Variants in EMC1 observed in about 807,000 individuals in gnomAD.
EMC1 encodes ER membrane protein complex subunit 1, also known as KIAA0090.
EMC1 carries 103 observed loss-of-function variants against 128.8 expected under a neutral mutation model. That is an observed-to-expected ratio of 0.80 (90% CI 0.68 to 0.94). The LOEUF is 0.94. Among genes scored for constraint, EMC1 ranks in the 40% least tolerant of loss-of-function variants. The pLI, the probability that EMC1 is intolerant of heterozygous loss-of-function variation, is 0.00. For missense variants in EMC1, 1,083 were observed against 1,250.6 expected, an observed-to-expected ratio of 0.87 and a Z score of 2.02; for synonymous variants, 442 against 490.4, an observed-to-expected ratio of 0.90 and a Z score of 1.30.
At chr1:19,243,821 C>T (rs1300524675) in intron 3 of EMC1, 114 bp from the exon 4 acceptor site, 3 of 1,418,166 alleles carry the variant, frequency 2.1e-6, no homozygotes, top group Non-Finnish European at 3.0e-6. Flanking sequence ...ACATGTTAAA[C>T]AGGTACCTGT....
chr1:19,251,284 C>T, intron 1 of EMC1, 131 bp downstream of exon 1: 3 of 833,172 alleles, frequency 3.6e-6, no homozygotes, highest in African/African-American at 1.7e-5. Context: ...CAAGGGGCCC[C>T]ACGTTTTCAT....
At chr1:19,225,833 A>G (rs2093468906) in intron 18 of EMC1, among the ~76,000 whole-genome samples, 1 of 151,552 alleles carries the variant, frequency 6.6e-6, no homozygotes, top group Non-Finnish European at 1.5e-5. Flanking sequence ...AAAAAAAAAA[A>G]GAGTCAATAG....
intron 17 of EMC1, chr1:19,229,220 G>C (rs1279612509): frequency 1.3e-5 from 2 of 152,118 alleles, no homozygotes; most frequent in African/African-American, 4.8e-5. Context: ...CATTTTGCTT[G>C]TTCACCTCTC....
chr1:19,249,333 T>C (rs550782878), intron 1 of EMC1, among the ~76,000 whole-genome samples: 52 of 152,316 alleles, frequency 3.4e-4, no homozygotes, highest in African/African-American at 1.1e-3. Context: ...AAGTGCCCTA[T>C]ACCAGTGTAC....
intron 12 of EMC1, among the ~76,000 whole-genome samples, chr1:19,236,283 C>CT: frequency 6.6e-6 from 1 of 151,956 alleles, no homozygotes; most frequent in East Asian, 1.9e-4. Context: ...TCGCTTGAAC[C>CT]AGGAGGCAGA....
chr1:19,238,584 A>G (rs2093583799), intron 10 of EMC1, among the ~76,000 whole-genome samples: 1 of 152,232 alleles, frequency 6.6e-6, no homozygotes, highest in Non-Finnish European at 1.5e-5. Context: ...CCAGAGGAGA[A>G]AGTGGCTAGA....
intron 7 of EMC1, 113 bp from the exon 8 acceptor site, chr1:19,240,098 G>GT: frequency 7.9e-7 from 1 of 1,262,448 alleles, no homozygotes; most frequent in Non-Finnish European, 1.1e-6. Context: ...GCCATGGCAG[G>GT]TGGCTCCAAA....
intron 5 of EMC1, among the ~76,000 whole-genome samples, chr1:19,241,833 T>C (rs1198207768): frequency 6.6e-6 from 1 of 152,222 alleles, no homozygotes; most frequent in Non-Finnish European, 1.5e-5. Flanking sequence ...AGTCCTGCTC[T>C]AAACTTTGAA....
intron 1 of EMC1, among the ~76,000 whole-genome samples, chr1:19,249,802 C>A (rs2093648899): frequency 6.6e-6 from 1 of 151,910 alleles, no homozygotes; most frequent in African/African-American, 2.4e-5. Context: ...ACCAGTAGTC[C>A]CAGCTACTCA....
chr1:19,220,766 G>A lies in EMC1; in HGVS notation c.2670C>T (p.Ser890=), dbSNP rs1343495516. The A allele has an allele frequency of 1.9e-6, 3 of 1,612,880 alleles. No homozygotes were observed. Among genetic ancestry groups the A allele is most frequent in the Non-Finnish European group, 2.5e-6 (3 of 1,179,314 alleles). Residue 890 remains serine, a splice_region_variant and synonymous_variant, in exon 21 of 23, where the codon AGC becomes AGT. Transcript: ENST00000477853. ...PRRPEIPTEQ[S]REENLIPYSP... is the part of the protein sequence containing the mutation. ...AGCACTGCCCATGAGGGTCTCACCT[G>A]CTTTGTTCTGTTGGGATCTCGGGGC... is the stretch of plus-strand genomic sequence containing the variant.
At chr1:19,226,546 T>TA (rs2093474898) in intron 18 of EMC1, among the ~76,000 whole-genome samples, 1 of 152,050 alleles carries the variant, frequency 6.6e-6, no homozygotes, top group Admixed American at 6.5e-5. Context: ...AATAAAAAAT[T>TA]TAAAAAAAAT....
At chr1:19,234,206 A>G in intron 13 of EMC1, 1 of 984,742 alleles carries the variant, frequency 1.0e-6, no homozygotes, top group Non-Finnish European at 1.2e-6. Flanking sequence ...CAGGCAGCAG[A>G]AATAAACAGT....
chr1:19,232,278 C>T (rs1464114793), intron 15 of EMC1, among the ~76,000 whole-genome samples: 1 of 152,136 alleles, frequency 6.6e-6, no homozygotes, highest in South Asian at 2.1e-4. Context: ...AGAATGAATA[C>T]ACAAAAATCC....
chr1:19,219,544 T>C (rs371109445), intron 22 of EMC1, 25 bp downstream of exon 22: 17 of 1,613,698 alleles, frequency 1.1e-5, no homozygotes, highest in South Asian at 5.5e-5. Flanking sequence ...AAGGGTGAAA[T>C]AGGGCAGCTG....
At position 19,218,170 on chromosome 1, in the gene EMC1, A is replaced by G. The variant is rs574872381; in HGVS notation, c.*1133T>C. On this transcript the variant is annotated 3_prime_UTR_variant, in exon 23 of 23. Transcript: ENST00000477853. ...TAGAGATGGTCTACTCTGTACATAC[A>G]TTTCACAACAAAGAAAAATTCTGTC... is the stretch of plus-strand genomic sequence containing the variant. The G allele has an allele frequency of 6.6e-6, 1 of 152,346 alleles. No homozygotes were observed. Among genetic ancestry groups the G allele is most frequent in the African/African-American group, 2.4e-5 (1 of 41,580 alleles). 9.4% of individuals were successfully genotyped at this position (152,346 alleles called of 1,614,324 possible).
intron 10 of EMC1, 79 bp from the exon 11 acceptor site, chr1:19,238,218 G>A (rs1460339441): frequency 1.9e-6 from 3 of 1,541,844 alleles, no homozygotes; most frequent in African/African-American, 1.4e-5. Flanking sequence ...AAGGATTGGG[G>A]GCAAATACCC....
chr1:19,245,163 C>G (rs910675846), intron 1 of EMC1, 133 bp from the exon 2 acceptor site: 2 of 964,108 alleles, frequency 2.1e-6, no homozygotes, highest in African/African-American at 1.6e-5. Context: ...GTTAGCTGGG[C>G]GCAGTGGCTC....
chr1:19,223,665 C>T, intron 18 of EMC1, 96 bp from the exon 19 acceptor site: 1 of 1,134,168 alleles, frequency 8.8e-7, no homozygotes. Context: ...TCCAGCCTGG[C>T]AGAGGAATCA....
rs1257024303 is a variant in EMC1 at position 19,217,567 on chromosome 1, AC to A, written c.*1735del. ...AGGTAACTTTGATTACAGCTGAAAT[AC>A]AGGGAATTTTACTAAAGGACAAATA... On this transcript the variant is annotated 3_prime_UTR_variant, in exon 23 of 23. Coordinates refer to ENST00000477853, the MANE Select transcript of EMC1 (RefSeq NM_015047.3). The A allele has an allele frequency of 1.3e-5, 2 of 152,116 alleles. No homozygotes were observed. Among genetic ancestry groups the A allele is most frequent in the Admixed American group, 6.5e-5 (1 of 15,272 alleles). The allele number at this position is 152,116 out of a possible 1,614,324, so 9.4% of individuals were successfully genotyped here. A position where few individuals can be genotyped will look rare whatever the true frequency, so the allele number is the denominator to read the frequency against.
Sources: gnomAD v4.1 joint callset for allele counts (sites outside exome capture counted in the v4.1 genomes callset) on GRCh38, gnomAD v4.1.1 for gene constraint, MANE v1.5 for transcripts, NCBI Gene and HGNC (gene_info 2026-07-23, HGNC 2026-07-21) for gene names.